ATF7IP: variants seen among roughly 807,000 people sequenced by gnomAD.
The protein encoded by ATF7IP is activating transcription factor 7-interacting protein 1.
Under a neutral mutation model 106.4 loss-of-function variants are expected in ATF7IP, and 23 were observed. That is an observed-to-expected ratio of 0.22 (90% CI 0.16 to 0.31). The LOEUF is 0.31. Ranked by LOEUF, ATF7IP falls within the 10% of genes least tolerant of loss-of-function variation. The probability of loss-of-function intolerance (pLI) is 1.00; values close to 1 mark genes in which losing one functional copy is unlikely to be tolerated. For missense variants in ATF7IP, 1,334 were observed against 1,524.3 expected (o/e 0.88, Z 2.08); for synonymous variants, 542 against 539.0 (o/e 1.01, Z -0.08).
Position 14,425,420 on chromosome 12 carries a change from C to T in ATF7IP, c.1505C>T (p.Ser502Leu), listed in dbSNP as rs111490805. 5.2e-3 allele frequency: 8,325 copies of T among 1,596,938 alleles called. 29 individuals carry two copies. The highest frequency in any genetic ancestry group is 8.9e-3 in the Middle Eastern group (53 of 5,934). Residue 502 changes from serine to leucine, a missense_variant, in exon 2 of 15, where the codon TCG becomes TTG. By Grantham distance (145) the Ser-to-Leu change is moderately radical. Coordinates refer to ENST00000261168, the MANE Select transcript of ATF7IP (RefSeq NM_018179.5). Reference sequence around the variant, plus strand: ...GTCCTCTCTGATGAAGAGGATATTTCGGGTGAAAAAGATGAGTCTGAAGTT... The same window carrying T: ...GTCCTCTCTGATGAAGAGGATATTTTGGGTGAAAAAGATGAGTCTGAAGTT... The part of the protein sequence containing the change: ...FLVLSDEEDI[S>L]GEKDESEVIS...
intron 10 of ATF7IP, among the ~76,000 whole-genome samples, chr12:14,473,288 C>CTGTATGTGTGTGTGTGTGTGTGTG (rs796814505): frequency 5.7e-5 from 8 of 140,434 alleles, no homozygotes; most frequent in Non-Finnish European, 1.1e-4. Context: ...CTCTCTCTCT[C>CTGTATGTGTGTGTGTGTGTGTGTG]TCTGTGTGTG....
chr12:14,444,604 A>T (rs1429923542), intron 5 of ATF7IP, among the ~76,000 whole-genome samples: 1 of 152,164 alleles, frequency 6.6e-6, no homozygotes, highest in African/African-American at 2.4e-5. Flanking sequence ...AATTATAATT[A>T]AAAAAGAATT....
At chr12:14,458,341 A>T (rs1427410068) in intron 8 of ATF7IP, among the ~76,000 whole-genome samples, 6 of 152,198 alleles carry the variant, frequency 3.9e-5, no homozygotes, top group African/African-American at 1.4e-4. Flanking sequence ...CTGTTTTAAA[A>T]TGTTGATTTG....
chr12:14,381,867 G>GT (rs55929147), intron 1 of ATF7IP, among the ~76,000 whole-genome samples: 144,520 of 148,418 alleles, frequency 0.97, 70,373 homozygotes, highest in Middle Eastern at 0.99. Context: ...ATTAATTCTA[G>GT]TTTTTTTTTT....
intron 10 of ATF7IP, among the ~76,000 whole-genome samples, chr12:14,472,291 G>GA (rs1015514608): frequency 1.1e-4 from 17 of 151,672 alleles, no homozygotes; most frequent in Admixed American, 5.9e-4. Context: ...GCGTTTTTAT[G>GA]AAAAAAATGT....
chr12:14,494,037 G>T (rs1944915115), intron 13 of ATF7IP, among the ~76,000 whole-genome samples: 1 of 151,872 alleles, frequency 6.6e-6, no homozygotes, highest in South Asian at 2.1e-4. Context: ...CACAAGCAGT[G>T]AATCAGGAGT....
rs1403633794 is a variant in ATF7IP at position 14,400,606 on chromosome 12, T to G, written c.-7-23303T>G. On this transcript the variant is annotated intron_variant, in intron 1 of 14. Transcript: ENST00000261168. ...ATTCCTGGGATATTAAGGGCTTTTG[T>G]TTTTGTATTTTCTATGACAGTGCAG... is the stretch of plus-strand genomic sequence containing the variant. 3.3e-5 allele frequency among the ~76,000 whole-genome samples: 5 copies of G among 152,228 alleles called. No homozygotes were observed. In the East Asian group the frequency reaches 9.7e-4, roughly 29 times the overall value.
intron 2 of ATF7IP, among the ~76,000 whole-genome samples, chr12:14,425,702 C>G (rs901479147): frequency 6.6e-6 from 1 of 151,938 alleles, no homozygotes; most frequent in African/African-American, 2.4e-5. Flanking sequence ...AGAAAATATG[C>G]CCTTATAGTC....
At chr12:14,438,537 G>A (rs1314842593) in intron 5 of ATF7IP, among the ~76,000 whole-genome samples, 1 of 151,394 alleles carries the variant, frequency 6.6e-6, no homozygotes, top group Non-Finnish European at 1.5e-5. Context: ...GGGCTGTGCT[G>A]TGAGGAAGAA....
intron 5 of ATF7IP, among the ~76,000 whole-genome samples, chr12:14,444,453 C>T (rs571477950): frequency 3.9e-4 from 59 of 151,976 alleles, no homozygotes; most frequent in Non-Finnish European, 7.7e-4. Context: ...CTTGGTTTGT[C>T]TAGTTTCCCA....
intron 1 of ATF7IP, among the ~76,000 whole-genome samples, chr12:14,374,053 A>G (rs1212808932): frequency 6.6e-6 from 1 of 150,956 alleles, no homozygotes; most frequent in Non-Finnish European, 1.5e-5. Flanking sequence ...CTCTGTTTAT[A>G]ACTGTATGTA....
intron 12 of ATF7IP, among the ~76,000 whole-genome samples, chr12:14,479,825 C>T (rs1286358072): frequency 6.6e-6 from 1 of 151,896 alleles, no homozygotes; most frequent in Non-Finnish European, 1.5e-5. Flanking sequence ...TATTTCAATA[C>T]CATTGTTCTA....
chr12:14,493,144 C>A (rs1433453732), intron 13 of ATF7IP, among the ~76,000 whole-genome samples: 2 of 152,224 alleles, frequency 1.3e-5, no homozygotes, highest in Admixed American at 1.3e-4. Flanking sequence ...ACTCCCTGAG[C>A]TGCAACATTA....
At chr12:14,393,050 G>T (rs1167904818) in intron 1 of ATF7IP, among the ~76,000 whole-genome samples, 3 of 152,104 alleles carry the variant, frequency 2.0e-5, no homozygotes, top group African/African-American at 7.2e-5. Flanking sequence ...GAGATTTTCA[G>T]CTTCTTTTGA....
intron 5 of ATF7IP, among the ~76,000 whole-genome samples, chr12:14,444,373 G>GGAAAC (rs1469198122): frequency 2.6e-5 from 4 of 152,204 alleles, no homozygotes; most frequent in Non-Finnish European, 4.4e-5. Flanking sequence ...TTGATGTTAA[G>GGAAAC]GAAACCTCTT....
At chr12:14,497,102 C>A (rs1377873942) in intron 14 of ATF7IP, among the ~76,000 whole-genome samples, 3 of 152,214 alleles carry the variant, frequency 2.0e-5, no homozygotes, top group Non-Finnish European at 2.9e-5. Context: ...ATTATTTCTG[C>A]ATCTCTGGAT....
At chr12:14,472,883 G>A (rs935836776) in intron 10 of ATF7IP, among the ~76,000 whole-genome samples, 2 of 152,126 alleles carry the variant, frequency 1.3e-5, no homozygotes, top group African/African-American at 4.8e-5. Context: ...GAGACTCAGT[G>A]ATTTACAAAG....
intron 6 of ATF7IP, among the ~76,000 whole-genome samples, chr12:14,455,519 C>G (rs1943391053): frequency 6.6e-6 from 1 of 152,110 alleles, no homozygotes; most frequent in Non-Finnish European, 1.5e-5. Context: ...CATTTACTAC[C>G]TTTGGTTTAA....
chr12:14,484,965 A>T (rs773064164), intron 13 of ATF7IP, among the ~76,000 whole-genome samples: 46 of 152,116 alleles, frequency 3.0e-4, no homozygotes, highest in Non-Finnish European at 5.3e-4. Flanking sequence ...CCCAGTTAAC[A>T]GGCCAAGAGC....
Sources: allele counts gnomAD v4.1 joint callset (sites outside exome capture counted in the v4.1 genomes callset), GRCh38; gene constraint gnomAD v4.1.1; transcripts MANE v1.5; gene names NCBI Gene and HGNC (gene_info 2026-07-23, HGNC 2026-07-21).